The following JCAD variants were observed in gnomAD, a reference collection of about 807,000 sequenced individuals.
JCAD encodes junctional cadherin 5 associated.
In JCAD, 40 loss-of-function variants were observed where a neutral mutation model predicts 98.0. That is an observed-to-expected ratio of 0.41 (90% CI 0.32 to 0.53). The LOEUF (loss-of-function observed/expected upper bound fraction) is 0.53, where lower values mean the gene tolerates loss of function less well. Among genes scored for constraint, JCAD ranks in the 20% least tolerant of loss-of-function variants. JCAD has a pLI of 0.31. For synonymous variants in JCAD, 691 were observed against 682.3 expected (o/e 1.01, Z -0.20); for missense variants, 1,705 against 1,738.1 (o/e 0.98, Z 0.34).
At chr10:30,076,767 C>T (rs912342080) in intron 1 of JCAD, among the ~76,000 whole-genome samples, 1 of 152,182 alleles carries the variant, frequency 6.6e-6, no homozygotes, top group African/African-American at 2.4e-5. Context: ...AGCAGACAGC[C>T]TGTTACCTTC....
chr10:30,073,930 A>G (rs1837938524), intron 1 of JCAD, among the ~76,000 whole-genome samples: 1 of 152,164 alleles, frequency 6.6e-6, no homozygotes, highest in Admixed American at 6.5e-5. Flanking sequence ...AGACTGCGAG[A>G]TAACACTTTA....
At chr10:30,088,648 C>T (rs979798829) in intron 1 of JCAD, among the ~76,000 whole-genome samples, 2 of 152,124 alleles carry the variant, frequency 1.3e-5, no homozygotes, top group African/African-American at 4.8e-5. Flanking sequence ...TTATCTCTAT[C>T]CCAAGGAGAG....
intron 1 of JCAD, among the ~76,000 whole-genome samples, chr10:30,051,284 G>GCACACACA (rs58845322): frequency 0.03 from 4,406 of 146,792 alleles, 89 homozygotes; most frequent in African/African-American, 0.052. Flanking sequence ...ACACACGCAC[G>GCACACACA]CACACACACA....
intron 1 of JCAD, among the ~76,000 whole-genome samples, chr10:30,091,595 G>C (rs1838265223): frequency 6.6e-6 from 1 of 151,718 alleles, no homozygotes; most frequent in Non-Finnish European, 1.5e-5. Flanking sequence ...ATTATCTATG[G>C]ACATAATAAT....
At chr10:30,106,498 A>G (rs183253990) in intron 1 of JCAD, among the ~76,000 whole-genome samples, 1 of 152,040 alleles carries the variant, frequency 6.6e-6, no homozygotes, top group East Asian at 1.9e-4. Flanking sequence ...AGCCTAGAGT[A>G]GCACAGAAGA....
chr10:30,068,155 G>A (rs1283993455), intron 2 of JCAD, among the ~76,000 whole-genome samples: 1 of 152,054 alleles, frequency 6.6e-6, no homozygotes, highest in African/African-American at 2.4e-5. Flanking sequence ...TCGGGGGGCC[G>A]AGGCAGGTGG....
At chr10:30,077,184 C>T (rs1382336715) in intron 1 of JCAD, among the ~76,000 whole-genome samples, 5 of 152,170 alleles carry the variant, frequency 3.3e-5, no homozygotes, top group Admixed American at 3.3e-4. Flanking sequence ...TTACAAATCC[C>T]TGGCCAGAAG....
intron 2 of JCAD, among the ~76,000 whole-genome samples, chr10:30,043,688 C>T (rs1279356653): frequency 2.0e-5 from 3 of 152,204 alleles, no homozygotes; most frequent in Admixed American, 6.5e-5. Context: ...GACCATCCAG[C>T]GATGGTAACC....
chr10:30,025,847 G>A (rs374351440), intron 3 of JCAD, among the ~76,000 whole-genome samples: 1 of 152,104 alleles, frequency 6.6e-6, no homozygotes, highest in Non-Finnish European at 1.5e-5. Flanking sequence ...AGCAGAGATT[G>A]CACAACTGCA....
chr10:30,097,477 C>T (rs967772588), intron 1 of JCAD, among the ~76,000 whole-genome samples: 2 of 152,182 alleles, frequency 1.3e-5, no homozygotes, highest in Non-Finnish European at 2.9e-5. Context: ...GGGCCTGGTG[C>T]AGTGGCTCAT....
intron 1 of JCAD, among the ~76,000 whole-genome samples, chr10:30,079,133 G>A (rs1295053003): frequency 2.6e-5 from 4 of 152,028 alleles, no homozygotes; most frequent in Non-Finnish European, 4.4e-5. Context: ...AGGCCGAGGC[G>A]GGCAGATCAC....
Position 30,014,500 on chromosome 10 carries a change from A to G in JCAD, c.*3383T>C, listed in dbSNP as rs1200682998. ...CCTGACATTTAATTGTGTATTATTT[A>G]ATCATTTAAAACAAACAATAATAAA... On this transcript the variant is annotated 3_prime_UTR_variant, in exon 4 of 4. Transcript: ENST00000375377. 1 of 152,224 alleles carries G rather than the reference A, an allele frequency of 6.6e-6. No homozygotes were observed. Among genetic ancestry groups the G allele is most frequent in the Admixed American group, 6.5e-5 (1 of 15,284 alleles). The allele number at this position is 152,224 out of a possible 1,614,324, so 9.4% of individuals were successfully genotyped here.
chr10:30,028,452 G>A lies in JCAD; in HGVS notation c.1696C>T (p.Arg566Trp), dbSNP rs778563365. The A allele has an allele frequency of 1.5e-5, 24 of 1,613,994 alleles. No homozygotes were observed. The Admixed American group carries it at 2.3e-4, about 16-fold the overall frequency. The change falls in exon 3 of 4, where the codon CGG (arginine) becomes TGG (tryptophan). Residue 566 changes from arginine (R) to tryptophan (W), a missense_variant. Arg to Trp is a moderately radical substitution (Grantham distance 101, BLOSUM62 -3). This residue lies in a region of JCAD where 1,278 missense variants were observed against 1,243.1 expected (regional missense o/e 1.03). Transcript: ENST00000375377. ...TTTTTCTTTGAACTTTTCTTGGTCC[G>A]AGTCCCAGTTTGGAACTTTTTGAGC... The part of the protein sequence containing the change: ...TKLKKFQTGT[R>W]TKKSSKKKMN...
chr10:30,106,425 T>TAA (rs199724499), intron 1 of JCAD, among the ~76,000 whole-genome samples: 37 of 144,798 alleles, frequency 2.6e-4, no homozygotes, highest in East Asian at 9.9e-4. Context: ...CCTTGTCTCT[T>TAA]AAAAAAAAAA....
At chr10:30,045,264 A>G (rs540440312) in intron 2 of JCAD, among the ~76,000 whole-genome samples, 14 of 152,078 alleles carry the variant, frequency 9.2e-5, no homozygotes, top group Admixed American at 9.2e-4. Context: ...GTGAGACTCA[A>G]CTCTGATCCA....
At chr10:30,101,179 C>T (rs1359084600) in intron 1 of JCAD, among the ~76,000 whole-genome samples, 1 of 152,150 alleles carries the variant, frequency 6.6e-6, no homozygotes, top group East Asian at 1.9e-4. Context: ...GAGGCCAAGG[C>T]AGGTGGATCA....
chr10:30,026,805 C>T lies in JCAD; in HGVS notation c.3343G>A (p.Asp1115Asn), dbSNP rs199575251. ...RAGQNQPAEPDASACTPESPQ... is the reference protein window; with the variant it reads ...RAGQNQPAEPNASACTPESPQ... ...GACTCTGGGGTGCAGGCACTTGCATCGGGCTCAGCAGGCTGGTTCTGTCCC... is the reference window on the plus strand; with the variant it reads ...GACTCTGGGGTGCAGGCACTTGCATTGGGCTCAGCAGGCTGGTTCTGTCCC... Residue 1115 changes from aspartate (D) to asparagine (N), a missense_variant, in exon 3 of 4, where the codon GAT becomes AAT. This residue lies in a region of JCAD where 1,278 missense variants were observed against 1,243.1 expected (regional missense o/e 1.03). Coordinates refer to ENST00000375377, the MANE Select transcript of JCAD (RefSeq NM_020848.4). The T allele has an allele frequency of 2.6e-5, 42 of 1,613,926 alleles. No individual in the cohort carries two copies. Among genetic ancestry groups the T allele is most frequent in the Admixed American group, 2.0e-4 (12 of 60,012 alleles).
intron 1 of JCAD, among the ~76,000 whole-genome samples, chr10:30,075,451 T>G (rs1240652808): frequency 6.6e-6 from 1 of 152,164 alleles, no homozygotes; most frequent in African/African-American, 2.4e-5. Context: ...ATGGCCCAAT[T>G]GATTTAATAT....
rs1459681121 is a variant in JCAD, at chr10:30,012,857, A to G, written c.*5026T>C. 3 of 152,254 alleles carry G rather than the reference A, an allele frequency of 2.0e-5. No homozygotes were observed. Among genetic ancestry groups the G allele is most frequent in the Non-Finnish European group, 2.9e-5 (2 of 68,058 alleles). 9.4% of individuals were successfully genotyped at this position (152,254 alleles called of 1,614,324 possible). ...TATGTTACTGAGCAGGCCAGCCGCC[A>G]TCCTGAAATAGCAAGGATATTTACA... On this transcript the variant is annotated 3_prime_UTR_variant, in exon 4 of 4. Transcript: ENST00000375377.
Sources: allele counts gnomAD v4.1 joint callset (sites outside exome capture counted in the v4.1 genomes callset), GRCh38; gene constraint gnomAD v4.1.1; regional missense constraint gnomAD v4.1.1; transcripts MANE v1.5; gene names NCBI Gene and HGNC (gene_info 2026-07-23, HGNC 2026-07-21).